Variants in FNDC3A observed in about 807,000 individuals in gnomAD.
The protein encoded by FNDC3A is fibronectin type-III domain-containing protein 3A.
Under a neutral mutation model 148.9 loss-of-function variants are expected in FNDC3A, and 32 were observed. The ratio of observed to expected loss-of-function variants is 0.21; its 90% confidence interval spans 0.16 to 0.29. The LOEUF (loss-of-function observed/expected upper bound fraction) is 0.29, where lower values mean the gene tolerates loss of function less well. Among genes scored for constraint, FNDC3A ranks in the 10% least tolerant of loss-of-function variants. The pLI is 1.00. For missense variants in FNDC3A, 1,191 were observed against 1,452.8 expected (o/e 0.82, Z 2.93); for synonymous variants, 472 against 473.6 (o/e 1.00, Z 0.04).
intron 4 of FNDC3A, 133 bp from the exon 5 acceptor site, chr13:49,131,003 TA>T (rs1352350824): frequency 1.3e-5 from 9 of 668,444 alleles, no homozygotes; most frequent in Non-Finnish European, 2.4e-5. Context: ...TGACCCTAGG[TA>T]ATCCACCTGC....
chr13:49,037,596 A>G (rs1295194519), intron 2 of FNDC3A, among the ~76,000 whole-genome samples: 1 of 152,258 alleles, frequency 6.6e-6, no homozygotes, highest in East Asian at 1.9e-4. Context: ...CCCAAAATTG[A>G]TATGTTGAAG....
At chr13:49,056,360 G>A (rs1876241924) in intron 2 of FNDC3A, among the ~76,000 whole-genome samples, 1 of 152,128 alleles carries the variant, frequency 6.6e-6, no homozygotes, top group Non-Finnish European at 1.5e-5. Context: ...TAAGTAACAT[G>A]TATTTTTTCT....
At chr13:49,003,102 G>T (rs1952155831) in intron 1 of FNDC3A, among the ~76,000 whole-genome samples, 1 of 152,034 alleles carries the variant, frequency 6.6e-6, no homozygotes, top group Admixed American at 6.5e-5. Flanking sequence ...GTCTCGCTCT[G>T]TCACCCAGGC....
At chr13:49,024,090 T>C (rs1873525736) in intron 2 of FNDC3A, among the ~76,000 whole-genome samples, 1 of 151,978 alleles carries the variant, frequency 6.6e-6, no homozygotes, top group African/African-American at 2.4e-5. Flanking sequence ...TAGAGACTAC[T>C]ATGAACAACT....
intron 2 of FNDC3A, among the ~76,000 whole-genome samples, chr13:49,062,599 T>C (rs1403039676): frequency 6.6e-6 from 1 of 152,214 alleles, no homozygotes; most frequent in Non-Finnish European, 1.5e-5. Flanking sequence ...AAGTTTCCTT[T>C]TCCTGTCTTT....
intron 2 of FNDC3A, among the ~76,000 whole-genome samples, chr13:49,013,704 G>A (rs1220171430): frequency 6.8e-5 from 10 of 148,082 alleles, no homozygotes; most frequent in South Asian, 2.2e-4. Context: ...CCACTAACTC[G>A]TCATCTATCA....
chr13:49,122,878 G>T (rs1212898312), intron 4 of FNDC3A, among the ~76,000 whole-genome samples: 1 of 152,154 alleles, frequency 6.6e-6, no homozygotes, highest in African/African-American at 2.4e-5. Context: ...AACATTCCAT[G>T]CTCGTGGATA....
intron 2 of FNDC3A, among the ~76,000 whole-genome samples, chr13:49,027,314 GCA>G (rs1873787391): frequency 6.6e-6 from 1 of 152,192 alleles, no homozygotes; most frequent in Non-Finnish European, 1.5e-5. Context: ...AGAAATGGCA[GCA>G]CCAAACCGAT....
At chr13:49,192,268 T>C (rs897364513) in intron 19 of FNDC3A, among the ~76,000 whole-genome samples, 2 of 152,212 alleles carry the variant, frequency 1.3e-5, no homozygotes, top group Non-Finnish European at 2.9e-5. Context: ...GTTCTGTATT[T>C]ACATCTGTAA....
chr13:49,065,472 G>A (rs1877204210), intron 2 of FNDC3A, among the ~76,000 whole-genome samples: 2 of 152,120 alleles, frequency 1.3e-5, no homozygotes, highest in South Asian at 4.1e-4. Context: ...TCTGTTTATT[G>A]CCACTCTTCC....
intron 4 of FNDC3A, among the ~76,000 whole-genome samples, chr13:49,116,130 T>C (rs1314603496): frequency 6.6e-6 from 1 of 152,214 alleles, no homozygotes; most frequent in African/African-American, 2.4e-5. Flanking sequence ...TGCTGTTCTC[T>C]CATCTTACAG....
At chr13:49,017,869 T>C (rs1435912050) in intron 2 of FNDC3A, among the ~76,000 whole-genome samples, 1 of 152,154 alleles carries the variant, frequency 6.6e-6, no homozygotes, top group East Asian at 1.9e-4. Flanking sequence ...GAAGCTTAGT[T>C]TGGCTGGATA....
At chr13:49,113,965 G>T (rs1476548406) in intron 3 of FNDC3A, among the ~76,000 whole-genome samples, 1 of 152,134 alleles carries the variant, frequency 6.6e-6, no homozygotes, top group Non-Finnish European at 1.5e-5. Context: ...AAAAGTGAAA[G>T]GAAGTGTAGA....
chr13:49,085,803 T>TA (rs1039128881), intron 3 of FNDC3A, among the ~76,000 whole-genome samples: 31 of 151,856 alleles, frequency 2.0e-4, no homozygotes, highest in African/African-American at 7.0e-4. Context: ...GAGTTTAGCT[T>TA]AGCATGAAGA....
chr13:49,072,115 C>T (rs974496473), intron 2 of FNDC3A, among the ~76,000 whole-genome samples: 2 of 152,020 alleles, frequency 1.3e-5, no homozygotes. Context: ...TTAGTATTTT[C>T]CCAATGTTTT....
At chr13:49,090,536 G>A (rs1413776007) in intron 3 of FNDC3A, among the ~76,000 whole-genome samples, 1 of 152,204 alleles carries the variant, frequency 6.6e-6, no homozygotes, top group Non-Finnish European at 1.5e-5. Context: ...TCACAGACAT[G>A]CAAACAAAGA....
At chr13:49,019,965 T>C (rs1318690130) in intron 2 of FNDC3A, among the ~76,000 whole-genome samples, 2 of 152,224 alleles carry the variant, frequency 1.3e-5, no homozygotes, top group Admixed American at 1.3e-4. Context: ...TTGACTGAAG[T>C]ATAGAAATGA....
rs187152542 is a variant in FNDC3A at position 48,995,390 on chromosome 13, G to A, written c.-39-10762G>A. 3.4e-4 allele frequency among the ~76,000 whole-genome samples: 51 copies of A among 150,132 alleles called. 1 individual carries two copies. The East Asian group carries it at 9.0e-3, about 26-fold the overall frequency. ...AATCTTGTACTGTTTTATACTTCCA[G>A]TATCCAAAGATATGAAAAAAGTGAG... On this transcript the variant is annotated intron_variant, in intron 1 of 25. Coordinates refer to ENST00000492622, the MANE Select transcript of FNDC3A (RefSeq NM_001079673.2).
At chr13:49,168,564 C>A in intron 9 of FNDC3A, 49 bp from the exon 10 acceptor site, 1 of 1,451,676 alleles carries the variant, frequency 6.9e-7, no homozygotes, top group Non-Finnish European at 9.5e-7. Context: ...CTATTGAAAA[C>A]AGGATACAGT....
Sources: gnomAD v4.1 joint callset for allele counts (sites outside exome capture counted in the v4.1 genomes callset) on GRCh38, gnomAD v4.1.1 for gene constraint, MANE v1.5 for transcripts, NCBI Gene and HGNC (gene_info 2026-07-23, HGNC 2026-07-21) for gene names.